GRIN2B: variants seen among roughly 807,000 people sequenced by gnomAD.
GRIN2B encodes glutamate ionotropic receptor NMDA type subunit 2B, also known as glutamate receptor ionotropic, NMDA 2B.
GRIN2B carries 5 observed loss-of-function variants against 114.5 expected under a neutral mutation model. The observed-to-expected ratio is 0.04, with a 90% CI of 0.02 to 0.09. The LOEUF is 0.09. Ranked by LOEUF, GRIN2B falls within the 10% of genes least tolerant of loss-of-function variation. The pLI is 1.00. For synonymous variants in GRIN2B, 787 were observed against 745.1 expected (o/e 1.06, Z -0.92); for missense variants, 1,108 against 1,943.5 (o/e 0.57, Z 8.08).
intron 3 of GRIN2B, among the ~76,000 whole-genome samples, chr12:13,772,180 C>T (rs893886830): frequency 2.6e-5 from 4 of 152,244 alleles, no homozygotes; most frequent in Non-Finnish European, 5.9e-5. Context: ...CACCCGGTCT[C>T]AGATGGATCA....
rs138580150 is a variant in GRIN2B, at chr12:13,803,855, G to A, written c.412-49940C>T. Among the ~76,000 whole-genome samples, 532 of 152,244 alleles carry A rather than the reference G, an allele frequency of 3.5e-3. 4 individuals are homozygous for A. Among genetic ancestry groups the A allele is most frequent in the African/African-American group, 0.012 (511 of 41,546 alleles). On this transcript the variant is annotated intron_variant, in intron 3 of 13. Transcript: ENST00000609686. ...ACAGCCAAGTCTGAGCTGATGTAGC[G>A]AGTCAACCCAGTTGGGCATTTGCCT...
chr12:13,818,573 A>G (rs1003594470), intron 3 of GRIN2B, among the ~76,000 whole-genome samples: 1 of 152,260 alleles, frequency 6.6e-6, no homozygotes, highest in Non-Finnish European at 1.5e-5. Flanking sequence ...CAAACCTCAT[A>G]TAGTTAAATC....
chr12:13,788,018 C>A lies in GRIN2B; in HGVS notation c.412-34103G>T, dbSNP rs141139799. ...CTGGGGCATAAGCCAATGGAGCCCT[C>A]GTGAACCTTAAGACCTTTTGGGACT... On this transcript the variant is annotated intron_variant, in intron 3 of 13. Transcript: ENST00000609686. 7.4e-3 allele frequency among the ~76,000 whole-genome samples: 1,124 copies of A among 152,284 alleles called. 25 individuals are homozygous for A. The highest frequency in any genetic ancestry group is 0.026 in the African/African-American group (1,092 of 41,554).
At chr12:13,686,650 A>T (rs1950176119) in intron 4 of GRIN2B, among the ~76,000 whole-genome samples, 1 of 152,108 alleles carries the variant, frequency 6.6e-6, no homozygotes, top group African/African-American at 2.4e-5. Flanking sequence ...GGAACTTTTT[A>T]AAAAAGTAAT....
chr12:13,621,640 T>C (rs1475420238), intron 5 of GRIN2B, among the ~76,000 whole-genome samples: 15 of 103,206 alleles, frequency 1.5e-4, no homozygotes, highest in Admixed American at 5.0e-4. Context: ...TTTTTTTTTT[T>C]CAGAAAAACA....
At chr12:13,741,664 C>A (rs1345418476) in intron 4 of GRIN2B, among the ~76,000 whole-genome samples, 1 of 152,072 alleles carries the variant, frequency 6.6e-6, no homozygotes, top group Admixed American at 6.5e-5. Flanking sequence ...CCAAGTGATT[C>A]TCACCTAAGC....
At chr12:13,638,234 AC>A (rs1949683122) in intron 5 of GRIN2B, among the ~76,000 whole-genome samples, 1 of 152,108 alleles carries the variant, frequency 6.6e-6, no homozygotes, top group Admixed American at 6.6e-5. Context: ...ACCTCCCTTG[AC>A]CCTGTTTTTC....
Position 13,761,227 on chromosome 12 carries a change from C to CT in GRIN2B, c.412-7313dup, listed in dbSNP as rs1382571974. ...AACAACTTCCGCAGAAGCCAGCATT[C>CT]TTTTTATTATTTGTTCTTTCAGAAG... On this transcript the variant is annotated intron_variant, in intron 3 of 13. Coordinates refer to ENST00000609686, the MANE Select transcript of GRIN2B (RefSeq NM_000834.5). 2.6e-5 allele frequency among the ~76,000 whole-genome samples: 4 copies of CT among 152,298 alleles called. No homozygotes were observed. The East Asian group carries it at 7.7e-4, about 29-fold the overall frequency.
chr12:13,733,267 T>C (rs1429011858), intron 4 of GRIN2B, among the ~76,000 whole-genome samples: 1 of 149,364 alleles, frequency 6.7e-6, no homozygotes, highest in Admixed American at 6.7e-5. Flanking sequence ...ACCTATTAGG[T>C]AAAAGAAGTT....
intron 10 of GRIN2B, among the ~76,000 whole-genome samples, chr12:13,592,944 T>TA (rs924792059): frequency 6.6e-6 from 1 of 152,152 alleles, no homozygotes; most frequent in Non-Finnish European, 1.5e-5. Context: ...AAAAGCATGC[T>TA]AAAAAAATGT....
intron 3 of GRIN2B, among the ~76,000 whole-genome samples, chr12:13,796,864 G>T (rs1864426247): frequency 1.3e-5 from 2 of 152,144 alleles, no homozygotes; most frequent in Admixed American, 6.5e-5. Context: ...ATTGGTACCA[G>T]ATCCTAGTTT....
intron 5 of GRIN2B, among the ~76,000 whole-genome samples, chr12:13,619,812 A>G (rs1415390765): frequency 6.6e-6 from 1 of 152,142 alleles, no homozygotes; most frequent in Non-Finnish European, 1.5e-5. Flanking sequence ...TGACTTGCCC[A>G]AGCTCCCACG....
rs1399325334 is a variant in GRIN2B at position 13,551,624 on chromosome 12, CA to C, written c.*11158del. 6.6e-6 allele frequency: 1 copy of C among 152,138 alleles called. No homozygotes were observed. The highest frequency in any genetic ancestry group is 1.5e-5 in the Non-Finnish European group (1 of 68,024). 9.4% of individuals were successfully genotyped at this position (152,138 alleles called of 1,614,324 possible). A position where few individuals can be genotyped will look rare whatever the true frequency, so the allele number is the denominator to read the frequency against. The stretch of plus-strand genomic sequence containing the variant: ...CTTTCATCTACCATAACATGATTGA[CA>C]TAGGAAATTTGGATCTATTTGTTAA... On this transcript the variant is annotated 3_prime_UTR_variant, in exon 14 of 14. Coordinates refer to ENST00000609686, the MANE Select transcript of GRIN2B (RefSeq NM_000834.5).
intron 3 of GRIN2B, among the ~76,000 whole-genome samples, chr12:13,760,493 A>T (rs559933548): frequency 6.6e-6 from 1 of 152,200 alleles, no homozygotes. Flanking sequence ...TCCTGTTAGT[A>T]CACTAGTATA....
intron 3 of GRIN2B, among the ~76,000 whole-genome samples, chr12:13,816,210 C>A (rs567873220): frequency 1.2e-3 from 177 of 152,248 alleles, no homozygotes; most frequent in Middle Eastern, 3.4e-3. Flanking sequence ...TCTTGCACCT[C>A]TAGTTCAACA....
Position 13,571,824 on chromosome 12 carries a change from T to G in GRIN2B, c.2151A>C (p.Ala717=). The G allele has an allele frequency of 6.2e-7, 1 of 1,613,938 alleles. No homozygotes were observed. The highest frequency in any genetic ancestry group is 1.1e-5 in the South Asian group (1 of 91,074). Residue 717 remains alanine (A), a synonymous_variant, in exon 11 of 14, where the codon GCA becomes GCC. Transcript: ENST00000609686. ...CTTACCCTGTTTTCAGGGAGAGCAA[T>G]GCATCATCTACACCCCTCTGGTTGA... ...GKFNQRGVDD[A]LLSLKTGKLD...
At position 13,539,488 on chromosome 12, in the gene GRIN2B, AAG is replaced by A. The variant is rs1408388616; in HGVS notation, c.*23293_*23294del. On this transcript the variant is annotated 3_prime_UTR_variant, in exon 14 of 14. Coordinates refer to ENST00000609686, the MANE Select transcript of GRIN2B (RefSeq NM_000834.5). ...GATAATTTAGCAATCAAGGTATAGA[AAG>A]AGAGATCATTTAGAATCCATATATA... 2.6e-5 allele frequency: 4 copies of A among 152,236 alleles called. No individual in the cohort carries two copies. Among genetic ancestry groups the A allele is most frequent in the African/African-American group, 9.6e-5 (4 of 41,466 alleles). The allele number at this position is 152,236 out of a possible 1,614,324, so 9.4% of individuals were successfully genotyped here.
At chr12:13,713,089 T>C (rs1370119738) in intron 4 of GRIN2B, among the ~76,000 whole-genome samples, 1 of 151,850 alleles carries the variant, frequency 6.6e-6, no homozygotes, top group Non-Finnish European at 1.5e-5. Context: ...ATAGGCAGGA[T>C]AGAAGTAATT....
chr12:13,621,845 T>C (rs1949521157), intron 5 of GRIN2B, among the ~76,000 whole-genome samples: 1 of 152,124 alleles, frequency 6.6e-6, no homozygotes, highest in Admixed American at 6.5e-5. Context: ...GTCTTCCTTC[T>C]GCTAACAGAT....
Sources: allele counts gnomAD v4.1 joint callset (sites outside exome capture counted in the v4.1 genomes callset), GRCh38; gene constraint gnomAD v4.1.1; transcripts MANE v1.5; gene names NCBI Gene and HGNC (gene_info 2026-07-23, HGNC 2026-07-21).